ZNF516: variants seen among roughly 807,000 people sequenced by gnomAD.
ZNF516 encodes the protein zinc finger protein 516.
A neutral mutation model predicts 79.7 loss-of-function variants in ZNF516; 19 were observed. The observed-to-expected ratio is 0.24, with a 90% CI of 0.17 to 0.35. The LOEUF is 0.35. Among genes scored for constraint, ZNF516 ranks in the 10% least tolerant of loss-of-function variants. The pLI, the probability that ZNF516 is intolerant of heterozygous loss-of-function variation, is 1.00. For synonymous variants in ZNF516, 877 were observed against 739.5 expected (o/e 1.19, Z -3.02); for missense variants, 1,678 against 1,679.5 (o/e 1.00, Z 0.02).
At chr18:76,446,093 C>T (rs1166576675) in intron 2 of ZNF516, among the ~76,000 whole-genome samples, 2 of 141,910 alleles carry the variant, frequency 1.4e-5, no homozygotes, top group Non-Finnish European at 3.1e-5. Context: ...TGCTCCCAGT[C>T]ACCAGCCACA....
rs973072146 is a variant in ZNF516, at chr18:76,456,148, C to T, written c.-158+6880G>A. On this transcript the variant is annotated intron_variant, in intron 2 of 6. Transcript: ENST00000443185. ...TCGCCCCTCTTCTCAGGAGCCCTGGCGAACGTGAAACAATAGATGCTCACT... is the reference window on the plus strand; with the variant it reads ...TCGCCCCTCTTCTCAGGAGCCCTGGTGAACGTGAAACAATAGATGCTCACT... Among the ~76,000 whole-genome samples, 8 of 152,190 alleles carry T rather than the reference C, an allele frequency of 5.3e-5. 1 individual carries two copies. The highest frequency in any genetic ancestry group is 7.2e-5 in the African/African-American group (3 of 41,446).
chr18:76,457,736 G>A (rs761127463), intron 2 of ZNF516, among the ~76,000 whole-genome samples: 6 of 152,126 alleles, frequency 3.9e-5, no homozygotes, highest in Non-Finnish European at 8.8e-5. Context: ...ATAAAAAAGA[G>A]TGATATGGGG....
intron 3 of ZNF516, among the ~76,000 whole-genome samples, chr18:76,412,032 C>T (rs901906802): frequency 6.7e-6 from 1 of 150,084 alleles, no homozygotes; most frequent in African/African-American, 2.4e-5. Context: ...CTCTCCAAGA[C>T]CGTGTGGGTG....
At chr18:76,433,710 G>A (rs891516074) in intron 3 of ZNF516, among the ~76,000 whole-genome samples, 2 of 152,234 alleles carry the variant, frequency 1.3e-5, no homozygotes, top group African/African-American at 4.8e-5. Flanking sequence ...CTGGGCAGAA[G>A]GGTGGGAATC....
At chr18:76,487,604 T>A (rs563080786) in intron 1 of ZNF516, among the ~76,000 whole-genome samples, 15 of 152,314 alleles carry the variant, frequency 9.8e-5, no homozygotes, top group South Asian at 4.1e-4. Flanking sequence ...AATGTAAACA[T>A]TTGACATGAT....
At chr18:76,385,167 T>C (rs2074967169) in intron 3 of ZNF516, among the ~76,000 whole-genome samples, 1 of 152,206 alleles carries the variant, frequency 6.6e-6, no homozygotes, top group African/African-American at 2.4e-5. Flanking sequence ...TGTCCTCGGC[T>C]CAAACACACC....
intron 1 of ZNF516, among the ~76,000 whole-genome samples, chr18:76,481,562 C>A (rs913888581): frequency 6.6e-6 from 1 of 152,212 alleles, no homozygotes; most frequent in Non-Finnish European, 1.5e-5. Flanking sequence ...AATAACCTGG[C>A]TGTGGGACTT....
Position 76,378,808 on chromosome 18 carries a change from C to G in ZNF516, c.3259+47G>C. 1.9e-6 allele frequency: 3 copies of G among 1,578,134 alleles called. No homozygotes were observed. The South Asian group carries it at 3.5e-5, about 19-fold the overall frequency. On this transcript the variant is annotated intron_variant, in intron 4 of 6. Transcript: ENST00000443185. The stretch of plus-strand genomic sequence containing the variant: ...CAGCCCTGGCCCTCCGGGGGTGGTT[C>G]TGGGGGTCACATGTGGCCTGGGGAA...
intron 3 of ZNF516, among the ~76,000 whole-genome samples, chr18:76,425,220 A>T (rs2075578230): frequency 6.6e-6 from 1 of 152,194 alleles, no homozygotes; most frequent in Non-Finnish European, 1.5e-5. Flanking sequence ...AAGTGGAGGC[A>T]TGGGAAGAGC....
chr18:76,458,319 T>G (rs1417075599), intron 2 of ZNF516, among the ~76,000 whole-genome samples: 2 of 152,222 alleles, frequency 1.3e-5, no homozygotes, highest in Non-Finnish European at 2.9e-5. Context: ...GGACCCGCAG[T>G]GCATGGAGCT....
chr18:76,488,002 A>C, intron 1 of ZNF516: 6 of 985,422 alleles, frequency 6.1e-6, no homozygotes, highest in Non-Finnish European at 6.0e-6. Context: ...CTAACCAAAC[A>C]GTCGAACAAC....
intron 6 of ZNF516, among the ~76,000 whole-genome samples, chr18:76,367,692 G>C (rs540793518): frequency 6.6e-6 from 1 of 152,296 alleles, no homozygotes; most frequent in Admixed American, 6.5e-5. Flanking sequence ...GCGCTGCCTT[G>C]CTCTGCCCTA....
At position 76,477,186 on chromosome 18, in the gene ZNF516, G is replaced by A. The variant is rs545859314; in HGVS notation, c.-271-14045C>T. ...CTACTTGAATGCTAGTCGATCTTACGTTCAAAAGTCTGGTAAGTTTTCTGA... is the reference window on the plus strand; with the variant it reads ...CTACTTGAATGCTAGTCGATCTTACATTCAAAAGTCTGGTAAGTTTTCTGA... On this transcript the variant is annotated intron_variant, in intron 1 of 6. Coordinates refer to ENST00000443185, the MANE Select transcript of ZNF516 (RefSeq NM_014643.4). 2.6e-5 allele frequency among the ~76,000 whole-genome samples: 4 copies of A among 152,280 alleles called. No individual in the cohort carries two copies. The East Asian group carries it at 5.8e-4, about 22-fold the overall frequency.
Position 76,493,239 on chromosome 18 carries a change from A to G in ZNF516, c.-272+1905T>C. On this transcript the variant is annotated intron_variant, in intron 1 of 6. Coordinates refer to ENST00000443185, the MANE Select transcript of ZNF516 (RefSeq NM_014643.4). This position sits in a 1 kb window ranked among gnomAD's most constrained non-coding sequence, Gnocchi z 5.2. ...CGATATCCATTTAAATATATTTTGTACTTCCACAAAGGATGGAAAGGGAAA... is the reference window on the plus strand; with the variant it reads ...CGATATCCATTTAAATATATTTTGTGCTTCCACAAAGGATGGAAAGGGAAA... 1.1e-6 allele frequency: 1 copy of G among 950,830 alleles called. No homozygotes were observed. Among genetic ancestry groups the G allele is most frequent in the East Asian group, 1.2e-4 (1 of 8,422 alleles). The allele number at this position is 950,830 out of a possible 1,614,324, so 58.9% of individuals were successfully genotyped here.
At chr18:76,420,761 T>G (rs2075496619) in intron 3 of ZNF516, among the ~76,000 whole-genome samples, 1 of 152,092 alleles carries the variant, frequency 6.6e-6, no homozygotes, top group Non-Finnish European at 1.5e-5. Flanking sequence ...AAACAAACAG[T>G]ATTTATAAAC....
chr18:76,396,655 A>T (rs2075150230), intron 3 of ZNF516, among the ~76,000 whole-genome samples: 1 of 152,184 alleles, frequency 6.6e-6, no homozygotes, highest in South Asian at 2.1e-4. Flanking sequence ...TTTCTAAGAC[A>T]ATCAAAATGC....
chr18:76,395,404 G>C (rs1476562942), intron 3 of ZNF516, among the ~76,000 whole-genome samples: 1 of 152,200 alleles, frequency 6.6e-6, no homozygotes, highest in Non-Finnish European at 1.5e-5. Flanking sequence ...GATGAATGAG[G>C]TGAGTAGGAG....
At chr18:76,419,088 G>A (rs543403848) in intron 3 of ZNF516, among the ~76,000 whole-genome samples, 14 of 152,314 alleles carry the variant, frequency 9.2e-5, no homozygotes, top group Admixed American at 6.5e-4. Context: ...ACTGTGGGTC[G>A]CAGCCACTCC....
chr18:76,443,854 C>A (rs1445785590), intron 2 of ZNF516, among the ~76,000 whole-genome samples: 1 of 152,226 alleles, frequency 6.6e-6, no homozygotes, highest in Non-Finnish European at 1.5e-5. Context: ...GAGGCTGGGT[C>A]TGCTCCTAGA....
Sources: gnomAD v4.1 joint callset for allele counts (sites outside exome capture counted in the v4.1 genomes callset) on GRCh38, gnomAD v4.1.1 for gene constraint, Gnocchi (gnomAD v3.1) non-coding constraint, MANE v1.5 for transcripts, NCBI Gene and HGNC (gene_info 2026-07-23, HGNC 2026-07-21) for gene names.